The following ZNF536 variants were observed in gnomAD, a reference collection of about 807,000 sequenced individuals.
ZNF536 encodes zinc finger protein 536.
ZNF536 carries 13 observed loss-of-function variants against 84.5 expected under a neutral mutation model. That is an observed-to-expected ratio of 0.15 (90% CI 0.10 to 0.24). ZNF536 has a LOEUF of 0.24. Ranked by LOEUF, ZNF536 falls within the 10% of genes least tolerant of loss-of-function variation. ZNF536 has a pLI of 1.00. For missense variants in ZNF536, 1,536 were observed against 1,747.5 expected (o/e 0.88, Z 2.16); for synonymous variants, 811 against 742.5 (o/e 1.09, Z -1.50).
intron 2 of ZNF536, among the ~76,000 whole-genome samples, chr19:30,505,544 CA>C (rs2055141038): frequency 6.6e-6 from 1 of 150,842 alleles, no homozygotes. Context: ...CAAGGATATT[CA>C]CTGAGACTCA....
intron 1 of ZNF536, among the ~76,000 whole-genome samples, chr19:30,647,790 G>A (rs2049532252): frequency 6.6e-6 from 1 of 152,092 alleles, no homozygotes; most frequent in African/African-American, 2.4e-5. Context: ...TCTGGGGCAG[G>A]GAGTGCTGAC....
At chr19:30,449,282 T>A (rs558444642) in intron 2 of ZNF536, among the ~76,000 whole-genome samples, 22 of 152,358 alleles carry the variant, frequency 1.4e-4, no homozygotes, top group African/African-American at 5.3e-4. Flanking sequence ...AAGCAGCAGC[T>A]TATTAATTTT....
intron 1 of ZNF536, among the ~76,000 whole-genome samples, chr19:30,585,953 C>A (rs1462257446): frequency 6.6e-6 from 1 of 152,154 alleles, no homozygotes; most frequent in Non-Finnish European, 1.5e-5. Flanking sequence ...CTAATATTTT[C>A]TTTTATCCCA....
chr19:30,368,652 T>C (rs971874899), upstream of ZNF536, among the ~76,000 whole-genome samples: 10 of 152,250 alleles, frequency 6.6e-5, no homozygotes, highest in African/African-American at 2.4e-4. Flanking sequence ...CCCTTACATA[T>C]CTTTGCTTAA....
chr19:30,563,342 C>G (rs140495637), intron 1 of ZNF536, among the ~76,000 whole-genome samples: 1 of 152,132 alleles, frequency 6.6e-6, no homozygotes, highest in Non-Finnish European at 1.5e-5. Flanking sequence ...CCCATTCTTG[C>G]GATGGACAGA....
intron 2 of ZNF536, among the ~76,000 whole-genome samples, chr19:30,314,689 C>G (rs1403141419): frequency 2.0e-5 from 3 of 152,136 alleles, no homozygotes; most frequent in Non-Finnish European, 4.4e-5. Flanking sequence ...GGTCCCTTCT[C>G]TCCCTCACTC....
At chr19:30,271,632 G>C (rs1193485779) in intron 1 of ZNF536, among the ~76,000 whole-genome samples, 1 of 152,102 alleles carries the variant, frequency 6.6e-6, no homozygotes, top group Non-Finnish European at 1.5e-5. Context: ...TTTCTAGCTG[G>C]GGAGGTGGCT....
chr19:30,540,001 T>G (rs560045693), intron 3 of ZNF536, among the ~76,000 whole-genome samples: 3 of 152,350 alleles, frequency 2.0e-5, no homozygotes, highest in Admixed American at 1.3e-4. Context: ...TCTCATTAGT[T>G]TCTTCTCCCT....
At chr19:30,617,575 C>T (rs572139853) in intron 1 of ZNF536, among the ~76,000 whole-genome samples, 3 of 151,614 alleles carry the variant, frequency 2.0e-5, no homozygotes, top group African/African-American at 7.3e-5. Context: ...TGGTCTCGAT[C>T]TCCTGACCTC....
intron 1 of ZNF536, among the ~76,000 whole-genome samples, chr19:30,250,936 C>T (rs1278600428): frequency 6.6e-6 from 1 of 151,142 alleles, no homozygotes; most frequent in Non-Finnish European, 1.5e-5. Flanking sequence ...TTATTGCTTC[C>T]TCATTTTTGA....
chr19:30,272,657 T>G (rs1244658654), intron 1 of ZNF536, among the ~76,000 whole-genome samples: 1 of 152,214 alleles, frequency 6.6e-6, no homozygotes, highest in Non-Finnish European at 1.5e-5. Flanking sequence ...TGTATTTGGA[T>G]TCGTATGACA....
chr19:30,546,729 GAAGA>G (rs1357459021), intron 3 of ZNF536, among the ~76,000 whole-genome samples: 1 of 152,206 alleles, frequency 6.6e-6, no homozygotes, highest in Non-Finnish European at 1.5e-5. Flanking sequence ...GAGGTTCCTG[GAAGA>G]AATAATTGTG....
intron 1 of ZNF536, among the ~76,000 whole-genome samples, chr19:30,663,213 A>G (rs886765617): frequency 2.6e-5 from 4 of 151,972 alleles, no homozygotes; most frequent in Non-Finnish European, 5.9e-5. Context: ...GTGTCATTTA[A>G]TATCTAAGTA....
chr19:30,245,565 C>T lies in ZNF536; in HGVS notation c.-190+16892C>T, dbSNP rs142788078. On this transcript the variant is annotated intron_variant, in intron 1 of 5. Coordinates refer to the ZNF536 transcript ENST00000585628. Reference sequence around the variant, plus strand: ...TCATGAAACAGACTGTCCCATGACGCATCCTTTGTTCCATTGTTAGAGATG... The same window carrying T: ...TCATGAAACAGACTGTCCCATGACGTATCCTTTGTTCCATTGTTAGAGATG... 4.6e-5 allele frequency among the ~76,000 whole-genome samples: 7 copies of T among 152,356 alleles called. No individual in the cohort carries two copies. In the East Asian group the frequency reaches 1.4e-3, roughly 29 times the overall value.
chr19:30,243,794 A>T (rs1480854717), intron 1 of ZNF536, among the ~76,000 whole-genome samples: 2 of 152,228 alleles, frequency 1.3e-5, no homozygotes. Flanking sequence ...ATTCCAATGC[A>T]TTTAATGCTT....
intron 1 of ZNF536, among the ~76,000 whole-genome samples, chr19:30,248,772 G>A (rs2024441008): frequency 6.6e-6 from 1 of 152,086 alleles, no homozygotes; most frequent in African/African-American, 2.4e-5. Context: ...CAGTGGTTCT[G>A]AGGAATGATT....
chr19:30,590,253 A>C (rs529860284), intron 1 of ZNF536, among the ~76,000 whole-genome samples: 1 of 152,122 alleles, frequency 6.6e-6, no homozygotes, highest in South Asian at 2.1e-4. Context: ...TTGGACATGG[A>C]ATTGAAGAAT....
intron 1 of ZNF536, among the ~76,000 whole-genome samples, chr19:30,657,555 T>C (rs1273188074): frequency 2.0e-5 from 3 of 152,220 alleles, no homozygotes; most frequent in Non-Finnish European, 4.4e-5. Context: ...TGGCCCTCCT[T>C]GGGGCTCAGC....
chr19:30,466,827 C>A (rs1211525947), intron 2 of ZNF536, among the ~76,000 whole-genome samples: 1 of 147,766 alleles, frequency 6.8e-6, no homozygotes, highest in Non-Finnish European at 1.5e-5. Context: ...GGAAACTTAC[C>A]ATTTTAACCA....
Sources: gnomAD v4.1 joint callset for allele counts (sites outside exome capture counted in the v4.1 genomes callset) on GRCh38, gnomAD v4.1.1 for gene constraint, MANE v1.5 for transcripts, NCBI Gene and HGNC (gene_info 2026-07-23, HGNC 2026-07-21) for gene names.